Variants in CELSR1 observed in about 807,000 individuals in gnomAD.
The protein encoded by CELSR1 is cadherin EGF LAG seven-pass G-type receptor 1, also known as adhesion G protein-coupled receptor C1.
In CELSR1, 110 loss-of-function variants were observed where a neutral mutation model predicts 249.1. The observed-to-expected ratio is 0.44, with a 90% CI of 0.38 to 0.52. The LOEUF (loss-of-function observed/expected upper bound fraction) is 0.52. CELSR1 is among the 20% of genes least tolerant of loss of function. The pLI is 0.00. For synonymous variants in CELSR1, 2,113 were observed against 1,900.0 expected, an observed-to-expected ratio of 1.11 and a Z score of -2.92; for missense variants, 4,109 against 4,296.4, an observed-to-expected ratio of 0.96 and a Z score of 1.22.
chr22:46,480,691 G>T (rs1279071051), intron 1 of CELSR1, among the ~76,000 whole-genome samples: 1 of 152,222 alleles, frequency 6.6e-6, no homozygotes. Context: ...TACCTGTGTA[G>T]TAAGAAGAGT....
At chr22:46,521,969 G>A (rs186455930) in intron 1 of CELSR1, among the ~76,000 whole-genome samples, 24 of 152,260 alleles carry the variant, frequency 1.6e-4, no homozygotes, top group African/African-American at 5.3e-4. Context: ...CCACCAACAG[G>A]GCAAAAGGGT....
chr22:46,516,490 G>A (rs916650779), intron 1 of CELSR1, among the ~76,000 whole-genome samples: 11 of 151,902 alleles, frequency 7.2e-5, no homozygotes, highest in African/African-American at 2.4e-4. Context: ...ATAGCACACC[G>A]GTTTTGGGGG....
intron 2 of CELSR1, 50 bp from the exon 3 acceptor site, chr22:46,439,461 G>T (rs903815419): frequency 5.3e-6 from 8 of 1,513,728 alleles, no homozygotes; most frequent in South Asian, 1.2e-5. Flanking sequence ...ACCAGCCAGG[G>T]AAAAGCCAAC....
At chr22:46,494,040 G>GA (rs1428014264) in intron 1 of CELSR1, among the ~76,000 whole-genome samples, 1 of 152,090 alleles carries the variant, frequency 6.6e-6, no homozygotes, top group Non-Finnish European at 1.5e-5. Flanking sequence ...AACAGATTCA[G>GA]AAAAAAAGGC....
intron 5 of CELSR1, among the ~76,000 whole-genome samples, chr22:46,420,682 G>A (rs2079460413): frequency 1.3e-5 from 2 of 152,294 alleles, no homozygotes; most frequent in Middle Eastern, 3.4e-3. Context: ...GTCATGGCCT[G>A]CTCCTGTAAA....
intron 1 of CELSR1, among the ~76,000 whole-genome samples, chr22:46,521,572 T>A (rs1049100833): frequency 6.6e-6 from 1 of 151,528 alleles, no homozygotes; most frequent in African/African-American, 2.4e-5. Context: ...TCCCAACACT[T>A]TGGGAGGCTT....
intron 1 of CELSR1, among the ~76,000 whole-genome samples, chr22:46,504,380 G>T (rs2080493703): frequency 6.6e-6 from 1 of 152,028 alleles, no homozygotes; most frequent in Non-Finnish European, 1.5e-5. Flanking sequence ...CGGGTATGGT[G>T]GCAGGCACCT....
rs564080303 is a variant in CELSR1, at chr22:46,530,780, G to A, written c.3544+2847C>T. On this transcript the variant is annotated intron_variant, in intron 1 of 34. Transcript: ENST00000674500. ...GCTAAATGAACTGCCCCCACCACGT[G>A]GGCCTTCCCAGGCCCTGCCCTCCGA... 5.1e-4 allele frequency among the ~76,000 whole-genome samples: 77 copies of A among 152,286 alleles called. 1 individual carries two copies. The South Asian group carries it at 0.016, about 32-fold the overall frequency.
At chr22:46,421,681 C>T (rs1371765314) in intron 5 of CELSR1, among the ~76,000 whole-genome samples, 2 of 152,230 alleles carry the variant, frequency 1.3e-5, no homozygotes, top group African/African-American at 2.4e-5. Context: ...GGCTTCTATG[C>T]CCCCATCACT....
In CELSR1 at chr22:46,512,839, T is replaced by G. The variant is rs893600653; in HGVS notation, c.3544+20788A>C. 2.5e-4 allele frequency among the ~76,000 whole-genome samples: 38 copies of G among 152,296 alleles called. No homozygotes were observed. The highest frequency in any genetic ancestry group is 9.1e-4 in the African/African-American group (38 of 41,560). ...AAGAACCAGGGGCCCCCCACCCTCTTGTTCCTTCCGGGTCCGGGCTTGTCC... is the reference window on the plus strand; with the variant it reads ...AAGAACCAGGGGCCCCCCACCCTCTGGTTCCTTCCGGGTCCGGGCTTGTCC... On this transcript the variant is annotated intron_variant, in intron 1 of 34. Coordinates refer to ENST00000674500, the MANE Select transcript of CELSR1 (RefSeq NM_001378328.1). This position sits in a 1 kb window ranked among gnomAD's most constrained non-coding sequence, Gnocchi z 5.2.
At chr22:46,397,963 T>A in intron 11 of CELSR1, 115 bp from the exon 12 acceptor site, 2 of 906,810 alleles carry the variant, frequency 2.2e-6, no homozygotes, top group Non-Finnish European at 3.1e-6. Flanking sequence ...ATGCCTCATT[T>A]ATCTACAGAG....
rs902189389 is a variant in CELSR1, at chr22:46,471,681, G to C, written c.3545-7336C>G. 6.6e-6 allele frequency among the ~76,000 whole-genome samples: 1 copy of C among 152,170 alleles called. No homozygotes were observed. Among genetic ancestry groups the C allele is most frequent in the African/African-American group, 2.4e-5 (1 of 41,450 alleles). ...AAAGTGCTGGGATTCACGGGTGTGA[G>C]CCGCTGCCCCTGGCCTCAGCATTTG... On this transcript the variant is annotated intron_variant, in intron 1 of 34. Transcript: ENST00000674500. This position sits in a 1 kb window ranked among gnomAD's most constrained non-coding sequence, Gnocchi z 4.9.
chr22:46,474,788 C>CTTTTT (rs55932520), intron 1 of CELSR1, among the ~76,000 whole-genome samples: 7,097 of 88,714 alleles, frequency 0.08, 769 homozygotes, highest in East Asian at 0.11. Flanking sequence ...CTCTCTACTT[C>CTTTTT]TTTTTTTTTT....
chr22:46,472,064 C>T lies in CELSR1; in HGVS notation c.3545-7719G>A, dbSNP rs1054757533. Among the ~76,000 whole-genome samples the T allele has an allele frequency of 2.6e-5, 4 of 152,168 alleles. No individual in the cohort carries two copies. Among genetic ancestry groups the T allele is most frequent in the Admixed American group, 2.0e-4 (3 of 15,268 alleles). On this transcript the variant is annotated intron_variant, in intron 1 of 34. Transcript: ENST00000674500. This position sits in a 1 kb window ranked among gnomAD's most constrained non-coding sequence, Gnocchi z 7.0. ...CCAGGCATTCCTCCCAGGCCTGGAG[C>T]GGCTCCGCGGCACCTCAAAAGCGAT... is the stretch of plus-strand genomic sequence containing the variant.
chr22:46,365,644 C>A lies in CELSR1; in HGVS notation c.8346G>T (p.Arg2782Ser), dbSNP rs2078761271. The A allele has an allele frequency of 6.3e-7, 1 of 1,589,324 alleles. No individual in the cohort carries two copies. Among genetic ancestry groups the A allele is most frequent in the Non-Finnish European group, 8.6e-7 (1 of 1,168,634 alleles). ...QKLGVSSGLVRGSHGEPDASL... is the reference protein window; with the variant it reads ...QKLGVSSGLVSGSHGEPDASL... ...ACGCGTCTGGCTCTCCGTGGCTGCC[C>A]CTCACCAGCCCAGAGGACACGCCGA... Residue 2782 changes from arginine (R) to serine (S), a missense_variant, in exon 31 of 35, where the codon AGG becomes AGT. Physicochemically the swap from Arg to Ser is moderately radical, Grantham distance 110. This residue lies in a region of CELSR1 where 1,805 missense variants were observed against 1,831.6 expected (regional missense o/e 0.99). Transcript: ENST00000674500.
chr22:46,384,269 G>T (rs147843438), intron 20 of CELSR1, among the ~76,000 whole-genome samples: 2 of 152,168 alleles, frequency 1.3e-5, no homozygotes, highest in Non-Finnish European at 2.9e-5. Flanking sequence ...TCATGCTTAC[G>T]CTCCAATGAG....
At chr22:46,366,601 G>A in intron 29 of CELSR1, 121 bp from the exon 30 acceptor site, 1 of 794,624 alleles carries the variant, frequency 1.3e-6, no homozygotes, top group Non-Finnish European at 2.1e-6. Flanking sequence ...CCCCTGCCTG[G>A]CACACAGGAG....
At chr22:46,442,117 C>T (rs1385968992) in intron 2 of CELSR1, among the ~76,000 whole-genome samples, 3 of 152,214 alleles carry the variant, frequency 2.0e-5, no homozygotes, top group Admixed American at 2.0e-4. Context: ...CATTGCACTC[C>T]AGCCTGGGCA....
rs762614527 is a variant in CELSR1 at position 46,535,668 on chromosome 22, C to G, written c.1503G>C (p.Gly501=). The change falls in exon 1 of 35, where the codon GGG becomes GGC. Residue 501 remains glycine (G), a synonymous_variant. Coordinates refer to ENST00000674500, the MANE Select transcript of CELSR1 (RefSeq NM_001378328.1). ...GCAGGTAGAACTGGCCGGCCACGTT[C>G]CCGCTGAGGATGCTGTAGTGAATGG... The part of the protein sequence containing the change: ...NAAIHYSILS[G]NVAGQFYLHS... 6.2e-7 allele frequency: 1 copy of G among 1,613,130 alleles called. No homozygotes were observed. Among genetic ancestry groups the G allele is most frequent in the East Asian group, 2.2e-5 (1 of 44,898 alleles).
Sources: allele counts gnomAD v4.1 joint callset (sites outside exome capture counted in the v4.1 genomes callset), GRCh38; gene constraint gnomAD v4.1.1; regional missense constraint gnomAD v4.1.1; non-coding constraint Gnocchi (gnomAD v3.1); transcripts MANE v1.5; gene names NCBI Gene and HGNC (gene_info 2026-07-23, HGNC 2026-07-21).